ESS2: variants seen among roughly 807,000 people sequenced by gnomAD.
ESS2 encodes the protein ess-2 spliceosome associated protein.
ESS2 carries 31 observed loss-of-function variants against 52.0 expected under a neutral mutation model. The observed-to-expected ratio is 0.60, with a 90% CI of 0.45 to 0.81. The LOEUF (loss-of-function observed/expected upper bound fraction) is 0.81, where lower values mean the gene tolerates loss of function less well. Among genes scored for constraint, ESS2 ranks in the 30% least tolerant of loss-of-function variants. The pLI is 0.00. For synonymous variants in ESS2, 285 were observed against 259.2 expected (o/e 1.10, Z -0.95); for missense variants, 602 against 637.2 (o/e 0.94, Z 0.59).
At position 19,138,236 on chromosome 22, in the gene ESS2, C is replaced by A; in HGVS notation, c.904G>T (p.Ala302Ser). ...SPRVGGFGFV[A>S]TPSPAPGVNE... The stretch of plus-strand genomic sequence containing the variant: ...TCACCAGGGGCAGGGGAAGGAGTGG[C>A]AACAAATCCAAATCCACCCACTCGA... The change falls in exon 7 of 10, where the codon GCC (alanine) becomes TCC (serine). Residue 302 changes from alanine (A) to serine (S), a missense_variant. Physicochemically the swap from Ala to Ser is moderately conservative, Grantham distance 99. Transcript: ENST00000252137. 6.2e-7 allele frequency: 1 copy of A among 1,614,050 alleles called. No individual in the cohort carries two copies. Among genetic ancestry groups the A allele is most frequent in the East Asian group, 2.2e-5 (1 of 44,872 alleles).
At chr22:19,135,308 C>T in intron 8 of ESS2, 133 bp from the exon 9 acceptor site, 1 of 674,882 alleles carries the variant, frequency 1.5e-6, no homozygotes, top group Admixed American at 2.9e-5. Flanking sequence ...CCATCACCTC[C>T]CACTAAAAGC....
At position 19,144,487 on chromosome 22, in the gene ESS2, G is replaced by A. The variant is rs1051612479; in HGVS notation, c.135+19C>T. ...GAGGATGGGCCCAGAAGTCGCCGGC[G>A]TCCGCACCGAGGTCGTACCTCGATA... On this transcript the variant is annotated intron_variant, in intron 1 of 9. Coordinates refer to ENST00000252137, the MANE Select transcript of ESS2 (RefSeq NM_022719.3). 3 of 1,611,174 alleles carry A rather than the reference G, an allele frequency of 1.9e-6. No individual in the cohort carries two copies. The highest frequency in any genetic ancestry group is 1.7e-5 in the Admixed American group (1 of 59,904).
At position 19,131,771 on chromosome 22, in the gene ESS2, C is replaced by G. The variant is rs1232665394; in HGVS notation, c.*2425G>C. On this transcript the variant is annotated 3_prime_UTR_variant, in exon 10 of 10. Transcript: ENST00000252137. The surrounding 1 kb of genome is among the most constrained non-coding windows in gnomAD (Gnocchi z 5.7). ...TGTTCCGACAGCTCTCCTCCGCCGT[C>G]AAGTACTGCCACGACCTGGACATCG... 6.2e-7 allele frequency: 1 copy of G among 1,614,226 alleles called. No individual in the cohort carries two copies. The highest frequency in any genetic ancestry group is 2.2e-5 in the East Asian group (1 of 44,878).
Position 19,131,094 on chromosome 22 carries a change from A to G in ESS2, c.*3102T>C, listed in dbSNP as rs2083501354. The stretch of plus-strand genomic sequence containing the variant: ...AATGCAGCAGCAGCAGGGCCACCAG[A>G]GTCCTGTCCTGGGGACAGGCTTCCT... On this transcript the variant is annotated 3_prime_UTR_variant, in exon 10 of 10. Coordinates refer to ENST00000252137, the MANE Select transcript of ESS2 (RefSeq NM_022719.3). The surrounding 1 kb of genome is among the most constrained non-coding windows in gnomAD (Gnocchi z 5.7). 1.2e-5 allele frequency: 4 copies of G among 331,088 alleles called. No homozygotes were observed. The highest frequency in any genetic ancestry group is 2.2e-5 in the Non-Finnish European group (4 of 178,806). 20.5% of individuals were successfully genotyped at this position (331,088 alleles called of 1,614,324 possible). A position where few individuals can be genotyped will look rare whatever the true frequency, so the allele number is the denominator to read the frequency against.
chr22:19,132,331 C>T lies in ESS2; in HGVS notation c.*1865G>A, dbSNP rs1278404772. On this transcript the variant is annotated 3_prime_UTR_variant, in exon 10 of 10. Coordinates refer to ENST00000252137, the MANE Select transcript of ESS2 (RefSeq NM_022719.3). This position sits in a 1 kb window ranked among gnomAD's most constrained non-coding sequence, Gnocchi z 4.2. The stretch of plus-strand genomic sequence containing the variant: ...ACAGGCTTGAGGCCCGACCACCGGC[C>T]CGACCACAAGCTTGGAGCCAAAACC... The T allele has an allele frequency of 1.2e-6, 2 of 1,612,932 alleles. No individual in the cohort carries two copies. Among genetic ancestry groups the T allele is most frequent in the South Asian group, 1.1e-5 (1 of 91,070 alleles).
In ESS2 at chr22:19,131,925, T is replaced by C; in HGVS notation, c.*2271A>G. On this transcript the variant is annotated 3_prime_UTR_variant, in exon 10 of 10. Coordinates refer to ENST00000252137, the MANE Select transcript of ESS2 (RefSeq NM_022719.3). The surrounding 1 kb of genome is among the most constrained non-coding windows in gnomAD (Gnocchi z 5.7). ...GCGCATCATCCTCAGCAAGACCTTC[T>C]GCGGGTCGGCAGCATATGCAGCCCC... 6.2e-7 allele frequency: 1 copy of C among 1,614,088 alleles called. No homozygotes were observed. Among genetic ancestry groups the C allele is most frequent in the Non-Finnish European group, 8.5e-7 (1 of 1,179,940 alleles).
Position 19,139,628 on chromosome 22 carries a change from G to A in ESS2, c.672C>T (p.Leu224=). The part of the protein sequence containing the change: ...ETWKYKAKNS[L]MYYPEGVPDE... The stretch of plus-strand genomic sequence containing the variant: ...GCCACTTACCCTCTGGATAGTACAT[G>A]AGGGAATTCTTGGCCTTGTACTTCC... Residue 224 remains leucine, a synonymous_variant, in exon 5 of 10, where the codon CTC becomes CTT. Transcript: ENST00000252137. 1 of 1,614,132 alleles carries A rather than the reference G, an allele frequency of 6.2e-7. No individual in the cohort carries two copies.
intron 3 of ESS2, among the ~76,000 whole-genome samples, chr22:19,140,676 A>C (rs1264758082): frequency 6.6e-6 from 1 of 152,172 alleles, no homozygotes; most frequent in Admixed American, 6.5e-5. Flanking sequence ...GTGGTGGTGC[A>C]AACTTCGGTG....
At chr22:19,140,148 T>C in intron 3 of ESS2, 124 bp from the exon 4 acceptor site, 1 of 1,256,692 alleles carries the variant, frequency 8.0e-7, no homozygotes, top group Non-Finnish European at 1.1e-6. Flanking sequence ...TGGTCCTGGC[T>C]TCTGCCCATG....
chr22:19,140,210 A>T (rs899351097), intron 3 of ESS2, among the ~76,000 whole-genome samples, 186 bp from the exon 4 acceptor site: 20 of 152,104 alleles, frequency 1.3e-4, no homozygotes, highest in Non-Finnish European at 2.9e-4. Context: ...ACCCACCCTG[A>T]CTGCCCAGAG....
Position 19,134,431 on chromosome 22 carries a change from T to C in ESS2, c.1196A>G (p.Gln399Arg), listed in dbSNP as rs534156960. The change falls in exon 10 of 10, where the codon CAG becomes CGG. Residue 399 changes from glutamine (Q) to arginine (R), a missense_variant. Transcript: ENST00000252137. ...GCTGGCCGTCCTGCTCACAAGGCGCTGTAGGGCTGGCGACATGGCTGGGCT... is the reference window on the plus strand; with the variant it reads ...GCTGGCCGTCCTGCTCACAAGGCGCCGTAGGGCTGGCGACATGGCTGGGCT... ...GLSPAMSPAL[Q>R]RLVSRTASKY... 1.9e-6 allele frequency: 3 copies of C among 1,595,322 alleles called. No homozygotes were observed. Among genetic ancestry groups the C allele is most frequent in the African/African-American group, 2.7e-5 (2 of 74,352 alleles).
In ESS2 at chr22:19,140,011, C is replaced by T; in HGVS notation, c.414G>A (p.Glu138=). Residue 138 remains glutamate (E), a synonymous_variant, in exon 4 of 10, where the codon GAG becomes GAA. Transcript: ENST00000252137. ...TGGGCAGCGGCTCCTTCTCCTCCTCCTCTCCAGCCTCTCCTGCTTAGGGGT... is the reference window on the plus strand; with the variant it reads ...TGGGCAGCGGCTCCTTCTCCTCCTCTTCTCCAGCCTCTCCTGCTTAGGGGT... ...GRGLEDGEAG[E]EEEKEPLPSL... The T allele has an allele frequency of 6.2e-7, 1 of 1,613,706 alleles. No homozygotes were observed. The highest frequency in any genetic ancestry group is 8.5e-7 in the Non-Finnish European group (1 of 1,179,982).
At position 19,132,741 on chromosome 22, in the gene ESS2, C is replaced by G. The variant is rs1301032784; in HGVS notation, c.*1455G>C. On this transcript the variant is annotated 3_prime_UTR_variant, in exon 10 of 10. Coordinates refer to ENST00000252137, the MANE Select transcript of ESS2 (RefSeq NM_022719.3). The surrounding 1 kb of genome is among the most constrained non-coding windows in gnomAD (Gnocchi z 4.2). ...GTGAGGAGTGTTTTTCTCTGGGACT[C>G]AGCCAACCGCCCCACCTGACACACA... 1.5e-5 allele frequency: 7 copies of G among 457,828 alleles called. No individual in the cohort carries two copies. Among genetic ancestry groups the G allele is most frequent in the Non-Finnish European group, 2.4e-5 (6 of 254,156 alleles). The allele number at this position is 457,828 out of a possible 1,614,324, so 28.4% of individuals were successfully genotyped here. A position where few individuals can be genotyped will look rare whatever the true frequency, so the allele number is the denominator to read the frequency against.
At position 19,144,630 on chromosome 22, in the gene ESS2, G is replaced by A. The variant is rs755430853; in HGVS notation, c.11C>T (p.Pro4Leu). The stretch of plus-strand genomic sequence containing the variant: ...CAACAAGGACGACGCTGATGCGCCC[G>A]GCGTCTCCATCGCTATCCCAGGAAA... MET[P>L]GASASSLLLP... The change falls in exon 1 of 10, where the codon CCG (proline) becomes CTG (leucine). Residue 4 changes from proline to leucine, a missense_variant. Physicochemically the swap from Pro to Leu is moderately conservative, Grantham distance 98 (BLOSUM62 -3). Coordinates refer to ENST00000252137, the MANE Select transcript of ESS2 (RefSeq NM_022719.3). 20 of 1,530,852 alleles carry A rather than the reference G, an allele frequency of 1.3e-5. No individual in the cohort carries two copies. Among genetic ancestry groups the A allele is most frequent in the East Asian group, 2.5e-5 (1 of 39,988 alleles). 94.8% of individuals were successfully genotyped at this position (1,530,852 alleles called of 1,614,324 possible).
Position 19,139,958 on chromosome 22 carries a change from G to C in ESS2, c.467C>G (p.Thr156Arg). The change falls in exon 4 of 10, where the codon ACG becomes AGG. Residue 156 changes from threonine (T) to arginine (R), a missense_variant. By Grantham distance (71) the Thr-to-Arg change is moderately conservative. Transcript: ENST00000252137. ...PSLDVFLSRY[T>R]SEDNASFQEI... ...CTGGAAGGAGGCATTGTCCTCACTC[G>C]TGTAGCGGCTCAGGAAGACATCTAG... The C allele has an allele frequency of 6.2e-7, 1 of 1,614,124 alleles. No individual in the cohort carries two copies. Among genetic ancestry groups the C allele is most frequent in the Non-Finnish European group, 8.5e-7 (1 of 1,180,020 alleles).
At chr22:19,144,214 A>G (rs2083744632) in intron 1 of ESS2, 2 of 1,178,132 alleles carry the variant, frequency 1.7e-6, no homozygotes, top group Non-Finnish European at 1.1e-6. Context: ...CTTTGCCACC[A>G]TCCTTCCAGT....
At chr22:19,142,682 T>C (rs373291749) in intron 2 of ESS2, 44 bp downstream of exon 2, 461 of 1,609,614 alleles carry the variant, frequency 2.9e-4, no homozygotes, top group Middle Eastern at 3.3e-4. Flanking sequence ...GAAGCGACAG[T>C]TCAGCAGGCT....
rs200196233 is a variant in ESS2, at chr22:19,139,725, T to G, written c.575A>C (p.Gln192Pro). 6.2e-6 allele frequency: 10 copies of G among 1,614,100 alleles called. No homozygotes were observed. Among genetic ancestry groups the G allele is most frequent in the Non-Finnish European group, 8.5e-7 (1 of 1,180,038 alleles). ...YQAEEEFEKR[Q>P]KDNLELPSAE... ...TGACGGGAGTTCGAGATTATCTTTC[T>G]GCCTCTGCAATCACATGGGGAAAAG... The change falls in exon 5 of 10, where the codon CAG (glutamine) becomes CCG (proline). Residue 192 changes from glutamine (Q) to proline (P), a missense_variant. Coordinates refer to ENST00000252137, the MANE Select transcript of ESS2 (RefSeq NM_022719.3).
chr22:19,144,021 G>A (rs1276618512), intron 1 of ESS2: 3 of 988,382 alleles, frequency 3.0e-6, no homozygotes, highest in Admixed American at 1.2e-4. Flanking sequence ...ATCCCAAAAG[G>A]TGTCCCGAAT....
Sources: allele counts gnomAD v4.1 joint callset (sites outside exome capture counted in the v4.1 genomes callset), GRCh38; gene constraint gnomAD v4.1.1; non-coding constraint Gnocchi (gnomAD v3.1); transcripts MANE v1.5; gene names NCBI Gene and HGNC (gene_info 2026-07-23, HGNC 2026-07-21).